TCP11L2: variants seen among roughly 807,000 people sequenced by gnomAD.
TCP11L2 encodes T-complex protein 11-like protein 2.
In TCP11L2, 39 loss-of-function variants were observed where a neutral mutation model predicts 50.7. The observed-to-expected ratio is 0.77, with a 90% CI of 0.60 to 1.01. The LOEUF is 1.01. Ranked by LOEUF, TCP11L2 falls within the 50% of genes least tolerant of loss-of-function variation. The probability of loss-of-function intolerance (pLI) is 0.00; values close to 1 mark genes in which losing one functional copy is unlikely to be tolerated. For synonymous variants in TCP11L2, 192 were observed against 219.3 expected (o/e 0.88, Z 1.10); for missense variants, 612 against 614.7 (o/e 1.00, Z 0.05).
intron 2 of TCP11L2, 65 bp from the exon 3 acceptor site, chr12:106,314,293 C>T (rs2034979268): frequency 3.9e-6 from 6 of 1,552,768 alleles, no homozygotes; most frequent in African/African-American, 2.7e-5. Context: ...TTATCTGCAT[C>T]AGGAGGCTTC....
At chr12:106,311,256 T>C in intron 2 of TCP11L2, 24 bp downstream of exon 2, 1 of 1,609,702 alleles carries the variant, frequency 6.2e-7, no homozygotes. Flanking sequence ...GGAGCAGGGG[T>C]TGTGGGTGGC....
chr12:106,300,477 G>A (rs1388717288), upstream of TCP11L2, among the ~76,000 whole-genome samples: 2 of 152,070 alleles, frequency 1.3e-5, no homozygotes, highest in Non-Finnish European at 2.9e-5. Context: ...TTACAGGTGC[G>A]TGCCACCACG....
intron 6 of TCP11L2, chr12:106,329,699 C>T (rs1256221939): frequency 9.0e-7 from 1 of 1,115,092 alleles, no homozygotes; most frequent in Non-Finnish European, 1.1e-6. Context: ...ACTAAATGGG[C>T]TCTTAAATGT....
chr12:106,328,426 C>T (rs2035631514), intron 6 of TCP11L2, among the ~76,000 whole-genome samples: 1 of 152,214 alleles, frequency 6.6e-6, no homozygotes, highest in South Asian at 2.1e-4. Context: ...TGCCTGTGAT[C>T]CTAGCTACTT....
chr12:106,311,152 GC>G lies in TCP11L2; in HGVS notation c.78del (p.Ser26ArgfsTer35), dbSNP rs1429300127. ...TCTGATTCTTCCCGGTTTTCCGAAAGCATGGCTTCGCTCAGTGACTATGAAT... is the reference window on the plus strand; with the variant it reads ...TCTGATTCTTCCCGGTTTTCCGAAAGATGGCTTCGCTCAGTGACTATGAAT... ...SDSDSSRFSE[S>X]MASLSDYECS... On this transcript the variant is annotated frameshift_variant, in exon 2 of 10. Coordinates refer to ENST00000299045, the MANE Select transcript of TCP11L2 (RefSeq NM_152772.3). LOFTEE classifies it high-confidence loss of function. 2 of 1,614,220 alleles carry G rather than the reference GC, an allele frequency of 1.2e-6. No homozygotes were observed. Among genetic ancestry groups the G allele is most frequent in the South Asian group, 2.2e-5 (2 of 91,086 alleles).
At chr12:106,316,757 CT>C (rs2035100542) in intron 3 of TCP11L2, among the ~76,000 whole-genome samples, 1 of 152,092 alleles carries the variant, frequency 6.6e-6, no homozygotes, top group Non-Finnish European at 1.5e-5. Context: ...CAGAGACTTT[CT>C]TTTCACTGTA....
chr12:106,306,044 T>G (rs145286546), intron 1 of TCP11L2, among the ~76,000 whole-genome samples: 1 of 152,306 alleles, frequency 6.6e-6, no homozygotes, highest in African/African-American at 2.4e-5. Flanking sequence ...CTATTTCCTG[T>G]TTTATTCTTT....
rs745428785 is a variant in TCP11L2 at position 106,336,226 on chromosome 12, T to G, written c.1142+13T>G. 1.4e-5 allele frequency: 22 copies of G among 1,598,442 alleles called. No individual in the cohort carries two copies. Among genetic ancestry groups the G allele is most frequent in the Admixed American group, 3.6e-5 (2 of 56,276 alleles). The stretch of plus-strand genomic sequence containing the variant: ...GCATGAACAAAGAGTAAGTTCCAAA[T>G]TTTTGCATCTGCTCCCTCTTGTATT... On this transcript the variant is annotated intron_variant, in intron 8 of 9. Coordinates refer to ENST00000299045, the MANE Select transcript of TCP11L2 (RefSeq NM_152772.3).
At chr12:106,311,275 T>A in intron 2 of TCP11L2, 43 bp downstream of exon 2, 1 of 1,599,048 alleles carries the variant, frequency 6.3e-7, no homozygotes, top group Non-Finnish European at 8.5e-7. Context: ...GCAGGGGTAC[T>A]TCTAGATATG....
chr12:106,324,798 A>C (rs529262394), intron 6 of TCP11L2: 2 of 152,166 alleles, frequency 1.3e-5, no homozygotes, highest in Non-Finnish European at 1.5e-5. Flanking sequence ...GCCTCGTACA[A>C]CCGGGTGAAT....
rs542305271 is a variant in TCP11L2, at chr12:106,337,411, C to T, written c.1142+1198C>T. Among the ~76,000 whole-genome samples the T allele has an allele frequency of 4.1e-4, 63 of 152,310 alleles. 1 individual carries two copies. Among genetic ancestry groups the T allele is most frequent in the Non-Finnish European group, 7.2e-4 (49 of 68,026 alleles). On this transcript the variant is annotated intron_variant, in intron 8 of 9. Coordinates refer to ENST00000299045, the MANE Select transcript of TCP11L2 (RefSeq NM_152772.3). ...ACTGAGCCCTGATCTGACCTTTCTC[C>T]TGATTCTGATGCTCATTAATATTCC...
intron 3 of TCP11L2, among the ~76,000 whole-genome samples, chr12:106,316,034 G>A (rs1288005009): frequency 1.3e-5 from 2 of 152,174 alleles, no homozygotes; most frequent in Non-Finnish European, 2.9e-5. Flanking sequence ...GTCCTCTTGG[G>A]GATGTTGTTC....
rs1306440547 is a variant in TCP11L2 at position 106,318,444 on chromosome 12, CTGTT to C, written c.397_400del (p.Phe133LysfsTer68). The C allele has an allele frequency of 3.7e-6, 6 of 1,613,780 alleles. No individual in the cohort carries two copies. Among genetic ancestry groups the C allele is most frequent in the East Asian group, 2.2e-5 (1 of 44,894 alleles). The stretch of plus-strand genomic sequence containing the variant: ...TCCTGAGTTTGAACATGCCATCAAA[CTGTT>C]TGAAGAAATCAGAGAGGCAAGTTGC... On this transcript the variant is annotated frameshift_variant, in exon 4 of 10. Coordinates refer to ENST00000299045, the MANE Select transcript of TCP11L2 (RefSeq NM_152772.3). LOFTEE classifies it high-confidence loss of function.
chr12:106,314,576 T>TGTGTGTGTGA, intron 3 of TCP11L2, 83 bp downstream of exon 3: 1 of 281,340 alleles, frequency 3.6e-6, no homozygotes, highest in East Asian at 7.8e-5. Flanking sequence ...TGTGTGTGTG[T>TGTGTGTGTGA]GAGAGAGAGA....
At chr12:106,327,294 A>G (rs75258348) in intron 6 of TCP11L2, among the ~76,000 whole-genome samples, 1 of 152,104 alleles carries the variant, frequency 6.6e-6, no homozygotes, top group Non-Finnish European at 1.5e-5. Flanking sequence ...CTTGGACTCA[A>G]GGGATTCTCC....
At chr12:106,339,030 A>G (rs541477655) in intron 8 of TCP11L2, among the ~76,000 whole-genome samples, 2 of 152,328 alleles carry the variant, frequency 1.3e-5, no homozygotes, top group African/African-American at 4.8e-5. Flanking sequence ...CTGTAGTCCC[A>G]GCTACTCAGG....
intron 6 of TCP11L2, among the ~76,000 whole-genome samples, chr12:106,327,536 A>G (rs970171770): frequency 6.6e-6 from 1 of 152,028 alleles, no homozygotes; most frequent in African/African-American, 2.4e-5. Flanking sequence ...CAACTTTTCT[A>G]TTGACTTGGA....
intron 8 of TCP11L2, among the ~76,000 whole-genome samples, chr12:106,338,083 T>G (rs1456671004): frequency 6.6e-6 from 1 of 152,378 alleles, no homozygotes; most frequent in African/African-American, 2.4e-5. Flanking sequence ...CTCTTCATTG[T>G]GAGTAGAAGG....
upstream of TCP11L2, among the ~76,000 whole-genome samples, chr12:106,302,334 C>CCCGCTCAGCCCCCGCTCAGCCG (rs2034441062): frequency 1.7e-5 from 2 of 116,158 alleles, no homozygotes; most frequent in African/African-American, 3.7e-5. Context: ...CCGCTCAGCC[C>CCCGCTCAGCCCCCGCTCAGCCG]CCGCTCAGCC....
Sources: allele counts gnomAD v4.1 joint callset (sites outside exome capture counted in the v4.1 genomes callset), GRCh38; gene constraint gnomAD v4.1.1; transcripts MANE v1.5; gene names NCBI Gene and HGNC (gene_info 2026-07-23, HGNC 2026-07-21).